Variants in WNK1 observed in about 807,000 individuals in gnomAD.
The protein encoded by WNK1 is serine/threonine-protein kinase WNK1.
WNK1 carries 38 observed loss-of-function variants against 222.8 expected under a neutral mutation model. The observed-to-expected ratio is 0.17, with a 90% confidence interval of 0.13 to 0.22. WNK1 has a LOEUF of 0.22. WNK1 is among the 10% of genes least tolerant of loss of function. WNK1 has a pLI of 1.00. For missense variants in WNK1, 2,348 were observed against 2,918.4 expected (o/e 0.80, Z 4.50); for synonymous variants, 1,090 against 1,092.9 (o/e 1.00, Z 0.05).
chr12:826,097 T>G (rs566921162), intron 2 of WNK1, among the ~76,000 whole-genome samples: 150 of 152,340 alleles, frequency 9.8e-4, no homozygotes, highest in African/African-American at 3.4e-3. Context: ...GGTGCCTGCT[T>G]TCTGAGATTT....
chr12:829,877 C>G, intron 3 of WNK1, 126 bp from the exon 4 acceptor site: 4 of 963,724 alleles, frequency 4.2e-6, no homozygotes, highest in Non-Finnish European at 6.6e-6. Flanking sequence ...CTTTTCTCCC[C>G]CTTTCCTTTT....
chr12:796,907 C>G (rs1945364934), intron 1 of WNK1, among the ~76,000 whole-genome samples: 1 of 152,058 alleles, frequency 6.6e-6, no homozygotes, highest in East Asian at 1.9e-4. Flanking sequence ...CTGATCACAT[C>G]TTTTAAAATT....
chr12:757,336 A>ATT (rs1310158174), intron 1 of WNK1, among the ~76,000 whole-genome samples: 69 of 66,176 alleles, frequency 1.0e-3, no homozygotes, highest in African/African-American at 2.9e-3. Context: ...TTTTTTTTAA[A>ATT]AAAAAAAAGA....
chr12:873,604 G>A (rs116364460), intron 9 of WNK1, among the ~76,000 whole-genome samples: 6,094 of 152,224 alleles, frequency 0.04, 227 homozygotes, highest in Admixed American at 0.11. Flanking sequence ...TCCTAGAATA[G>A]TATTGTTTCT....
At position 757,758 on chromosome 12, in the gene WNK1, CCG is replaced by C. The variant is rs1940344126; in HGVS notation, c.759+3435_759+3436del. 2.8e-5 allele frequency among the ~76,000 whole-genome samples: 4 copies of C among 144,628 alleles called. 1 individual carries two copies. Among genetic ancestry groups the C allele is most frequent in the Non-Finnish European group, 4.7e-5 (3 of 64,484 alleles). The allele number at this position is 144,628 out of a possible 152,430, so 94.9% of individuals were successfully genotyped here. A position where few individuals can be genotyped will look rare whatever the true frequency, so the allele number is the denominator to read the frequency against. On this transcript the variant is annotated intron_variant, in intron 1 of 27. Coordinates refer to ENST00000315939, the MANE Select transcript of WNK1 (RefSeq NM_018979.4). ...TTCCTTTAAGAAAACATTGATGGAG[CCG>C]GGTGCGGTGGCTCACGCCTGTAATC...
chr12:817,230 T>C (rs937763276), intron 2 of WNK1, among the ~76,000 whole-genome samples: 2 of 152,106 alleles, frequency 1.3e-5, no homozygotes, highest in African/African-American at 4.8e-5. Context: ...CTAGCTACTC[T>C]GGAGGCTGAG....
chr12:906,074 C>T (rs1032475628), intron 26 of WNK1, among the ~76,000 whole-genome samples: 3 of 152,142 alleles, frequency 2.0e-5, no homozygotes, highest in African/African-American at 7.2e-5. Context: ...GGCAGGATTG[C>T]GTTAGGTGTG....
Position 885,412 on chromosome 12 carries a change from T to G in WNK1, c.4608T>G (p.Ser1536Arg). The change falls in exon 19 of 28, where the codon AGT (serine) becomes AGG (arginine). Residue 1536 changes from serine (S) to arginine (R), a missense_variant. Physicochemically the swap from Ser to Arg is moderately radical, Grantham distance 110. Transcript: ENST00000315939. Reference protein sequence around the residue: ...AHSLDKTSHSSTTGLAFSLSA... With the variant: ...AHSLDKTSHSRTTGLAFSLSA... Reference sequence around the variant, plus strand: ...CACTAGATAAGACATCTCATAGCAGTACAACTGGATTGGCTTTCTCCCTCT... The same window carrying G: ...CACTAGATAAGACATCTCATAGCAGGACAACTGGATTGGCTTTCTCCCTCT... 6.2e-7 allele frequency: 1 copy of G among 1,613,736 alleles called. No homozygotes were observed. The highest frequency in any genetic ancestry group is 8.5e-7 in the Non-Finnish European group (1 of 1,180,024).
At chr12:901,711 T>C (rs917787376) in intron 26 of WNK1, 1 of 969,682 alleles carries the variant, frequency 1.0e-6, no homozygotes, top group African/African-American at 1.7e-5. Context: ...GGATCTGATG[T>C]TTCACGCAGT....
intron 1 of WNK1, among the ~76,000 whole-genome samples, chr12:759,038 A>G (rs1940630604): frequency 6.8e-6 from 1 of 146,940 alleles, no homozygotes; most frequent in African/African-American, 2.4e-5. Flanking sequence ...GTATATAAAT[A>G]TAAATAAAAT....
intron 1 of WNK1, among the ~76,000 whole-genome samples, chr12:802,156 T>C (rs962841837): frequency 2.0e-5 from 3 of 152,218 alleles, no homozygotes; most frequent in Non-Finnish European, 4.4e-5. Flanking sequence ...ATAGTAGATA[T>C]TTTAGGTTGT....
chr12:773,170 A>G (rs1035134964), intron 1 of WNK1, among the ~76,000 whole-genome samples: 1 of 152,196 alleles, frequency 6.6e-6, no homozygotes, highest in Non-Finnish European at 1.5e-5. Context: ...AGGCAGGAGA[A>G]TCGCTTGAAC....
intron 4 of WNK1, among the ~76,000 whole-genome samples, chr12:854,806 C>G (rs778204224): frequency 2.0e-5 from 3 of 152,116 alleles, no homozygotes; most frequent in Non-Finnish European, 4.4e-5. Context: ...TGAAGATGCT[C>G]AAGTTCCAGA....
chr12:901,541 C>T, intron 26 of WNK1: 2 of 1,287,348 alleles, frequency 1.6e-6, no homozygotes, highest in East Asian at 5.6e-5. Flanking sequence ...CTGTTCTACC[C>T]TGTTTTTCCC....
chr12:820,613 T>G (rs1565476564), intron 2 of WNK1, among the ~76,000 whole-genome samples: 1 of 151,972 alleles, frequency 6.6e-6, no homozygotes, highest in East Asian at 1.9e-4. Context: ...TAGCTGGGAC[T>G]CCAGGTGTGT....
At position 771,968 on chromosome 12, in the gene WNK1, CT is replaced by C. The variant is rs36118220; in HGVS notation, c.759+17655del. Among the ~76,000 whole-genome samples, 211 of 145,842 alleles carry C rather than the reference CT, an allele frequency of 1.4e-3. 2 individuals are homozygous for C. Among genetic ancestry groups the C allele is most frequent in the Middle Eastern group, 0.011 (3 of 278 alleles). On this transcript the variant is annotated intron_variant, in intron 1 of 27. Transcript: ENST00000315939. ...TTAATTTAAGGACTGCAGAAGCTTA[CT>C]TTTTTTTTTTGCATAAGGGCCTTTG...
At chr12:829,666 A>G (rs1948643928) in intron 3 of WNK1, among the ~76,000 whole-genome samples, 1 of 152,172 alleles carries the variant, frequency 6.6e-6, no homozygotes, top group East Asian at 1.9e-4. Flanking sequence ...TTTTCCTTCT[A>G]TTTGTTTTCA....
intron 4 of WNK1, among the ~76,000 whole-genome samples, chr12:855,628 C>A (rs528034110): frequency 1.3e-5 from 2 of 152,218 alleles, no homozygotes; most frequent in African/African-American, 4.8e-5. Context: ...CTGACCACCC[C>A]ACCCCAACTC....
At chr12:848,191 A>G (rs1307606257) in intron 4 of WNK1, among the ~76,000 whole-genome samples, 2 of 152,208 alleles carry the variant, frequency 1.3e-5, no homozygotes, top group Non-Finnish European at 2.9e-5. Context: ...TTTATTCTAG[A>G]TCTGTGATCC....
Sources: allele counts gnomAD v4.1 joint callset (sites outside exome capture counted in the v4.1 genomes callset), GRCh38; gene constraint gnomAD v4.1.1; transcripts MANE v1.5; gene names NCBI Gene and HGNC (gene_info 2026-07-23, HGNC 2026-07-21).